KDELR3: variants seen among roughly 807,000 people sequenced by gnomAD.
KDELR3 encodes KDEL endoplasmic reticulum protein retention receptor 3, also known as ER lumen protein-retaining receptor 3.
KDELR3 carries 26 observed loss-of-function variants against 22.7 expected under a neutral mutation model. The observed-to-expected ratio is 1.15, with a 90% confidence interval of 0.84 to 1.59. KDELR3 has a LOEUF of 1.59. KDELR3 is among the 40% of genes most tolerant of loss of function. The pLI, the probability that KDELR3 is intolerant of heterozygous loss-of-function variation, is 0.00. For synonymous variants in KDELR3, 120 were observed against 98.2 expected, an observed-to-expected ratio of 1.22 and a Z score of -1.31; for missense variants, 289 against 251.1, an observed-to-expected ratio of 1.15 and a Z score of -1.02.
intron 1 of KDELR3, among the ~76,000 whole-genome samples, chr22:38,470,856 C>G (rs1400659583): frequency 6.6e-6 from 1 of 152,022 alleles, no homozygotes; most frequent in African/African-American, 2.4e-5. Flanking sequence ...CTCAAGATCA[C>G]CGGGGGGCTG....
intron 2 of KDELR3, among the ~76,000 whole-genome samples, chr22:38,478,514 G>A (rs1248056222): frequency 1.2e-4 from 12 of 102,428 alleles, no homozygotes; most frequent in Admixed American, 2.9e-4. Flanking sequence ...CAGCCTGGGC[G>A]ACAGAGCGAG....
intron 2 of KDELR3, among the ~76,000 whole-genome samples, chr22:38,476,821 GCC>G (rs796304280): frequency 1.4e-5 from 2 of 147,762 alleles, no homozygotes; most frequent in South Asian, 2.1e-4. Context: ...ACCACACCTG[GCC>G]CCCCCTTTTT....
chr22:38,469,740 C>T (rs1160926007), intron 1 of KDELR3, among the ~76,000 whole-genome samples: 1 of 152,246 alleles, frequency 6.6e-6, no homozygotes, highest in African/African-American at 2.4e-5. Context: ...TGGCCGCTGT[C>T]TGCCAGACAC....
chr22:38,481,168 T>TAA (rs1434094774), intron 3 of KDELR3, 44 bp from the exon 4 acceptor site: 1 of 1,535,924 alleles, frequency 6.5e-7, no homozygotes, highest in Admixed American at 2.0e-5. Flanking sequence ...GATGGGCCTC[T>TAA]TCTTGGTCTT....
At chr22:38,468,606 G>T (rs2089503046) in intron 1 of KDELR3, among the ~76,000 whole-genome samples, 1 of 152,144 alleles carries the variant, frequency 6.6e-6, no homozygotes, top group African/African-American at 2.4e-5. Context: ...TTATAAGGGA[G>T]GTGACAACCC....
chr22:38,476,086 T>A (rs1003708782), intron 2 of KDELR3, among the ~76,000 whole-genome samples: 1 of 150,540 alleles, frequency 6.6e-6, no homozygotes, highest in Non-Finnish European at 1.5e-5. Context: ...CGCACCACCA[T>A]GCCTGGCTAA....
chr22:38,474,771 G>C (rs1445984346), intron 2 of KDELR3, 148 bp downstream of exon 2: 3 of 652,062 alleles, frequency 4.6e-6, no homozygotes, highest in Non-Finnish European at 8.2e-6. Context: ...ACCTCATCTT[G>C]GGCCTCTTTG....
At chr22:38,478,185 G>A (rs1326563826) in intron 2 of KDELR3, among the ~76,000 whole-genome samples, 1 of 150,324 alleles carries the variant, frequency 6.7e-6, no homozygotes, top group African/African-American at 2.5e-5. Flanking sequence ...GTACAAATAG[G>A]AGTGCTCTAG....
At position 38,481,259 on chromosome 22, in the gene KDELR3, C is replaced by A; in HGVS notation, c.399C>A (p.Pro133=). 1 of 1,614,168 alleles carries A rather than the reference C, an allele frequency of 6.2e-7. No individual in the cohort carries two copies. Among genetic ancestry groups the A allele is most frequent in the Non-Finnish European group, 8.5e-7 (1 of 1,180,036 alleles). Residue 133 remains proline, a synonymous_variant, in exon 4 of 5, where the codon CCC becomes CCA. Transcript: ENST00000216014. ...ATCTGGAATCAGTGGCTATCCTGCC[C>A]CAGCTCTTCATGATCAGCAAGACTG... ...SIYLESVAIL[P]QLFMISKTGE...
chr22:38,469,147 G>C (rs1476621129), intron 1 of KDELR3, among the ~76,000 whole-genome samples: 2 of 152,212 alleles, frequency 1.3e-5, no homozygotes, highest in African/African-American at 4.8e-5. Context: ...GCTCCGTGCT[G>C]GTCCCGGAGG....
intron 4 of KDELR3, 133 bp from the exon 5 acceptor site, chr22:38,482,362 TC>T: frequency 1.4e-6 from 1 of 713,678 alleles, no homozygotes. Flanking sequence ...GGAGATGGAC[TC>T]CCCCTTTGCT....
chr22:38,471,470 C>G (rs1158685252), intron 1 of KDELR3, among the ~76,000 whole-genome samples: 1 of 152,232 alleles, frequency 6.6e-6, no homozygotes, highest in African/African-American at 2.4e-5. Context: ...CTCACCCCGG[C>G]TAGTGCACGT....
chr22:38,474,580 A>G lies in KDELR3; in HGVS notation c.149A>G (p.Asp50Gly). 1.2e-6 allele frequency: 2 copies of G among 1,613,956 alleles called. No homozygotes were observed. The highest frequency in any genetic ancestry group is 1.7e-6 in the Non-Finnish European group (2 of 1,179,962). ...CTCGTCTTCACCACCAGGTACCTGG[A>G]CCTGTTCACCAACTTCATCTCCATC... is the stretch of plus-strand genomic sequence containing the variant. ...FALVFTTRYL[D>G]LFTNFISIYN... The change falls in exon 2 of 5, where the codon GAC becomes GGC. Residue 50 changes from aspartate (D) to glycine (G), a missense_variant. Asp to Gly is a moderately conservative substitution (Grantham distance 94). Transcript: ENST00000216014.
intron 1 of KDELR3, among the ~76,000 whole-genome samples, chr22:38,471,240 G>C (rs1050246137): frequency 6.6e-6 from 1 of 152,330 alleles, no homozygotes; most frequent in African/African-American, 2.4e-5. Context: ...GCAGGCTGAG[G>C]ATGAAGAGAA....
chr22:38,477,793 TC>T (rs1258813111), intron 2 of KDELR3, among the ~76,000 whole-genome samples: 1 of 152,188 alleles, frequency 6.6e-6, no homozygotes, highest in East Asian at 1.9e-4. Context: ...GTATCAAACA[TC>T]ACCTGCTAGT....
intron 2 of KDELR3, among the ~76,000 whole-genome samples, chr22:38,476,515 G>A (rs564799571): frequency 6.6e-6 from 1 of 151,732 alleles, no homozygotes; most frequent in African/African-American, 2.4e-5. Flanking sequence ...ATTGCGCCCG[G>A]CCAGGAGTCT....
At chr22:38,481,671 C>G (rs1034649460) in intron 4 of KDELR3, 9 of 1,399,806 alleles carry the variant, frequency 6.4e-6, no homozygotes, top group African/African-American at 1.5e-5. Context: ...CTATGCAAGA[C>G]AGCTGTGAGA....
At chr22:38,480,336 G>T (rs1466310512) in intron 3 of KDELR3, among the ~76,000 whole-genome samples, 1 of 151,818 alleles carries the variant, frequency 6.6e-6, no homozygotes, top group Non-Finnish European at 1.5e-5. Flanking sequence ...TTGAGACGGG[G>T]TTTCACCATG....
chr22:38,479,512 G>T (rs776228039), intron 2 of KDELR3, 81 bp from the exon 3 acceptor site: 5 of 1,330,442 alleles, frequency 3.8e-6, no homozygotes, highest in Non-Finnish European at 5.3e-6. Flanking sequence ...CTGACCCTTA[G>T]GTTTGGTAGG....
Sources: allele counts gnomAD v4.1 joint callset (sites outside exome capture counted in the v4.1 genomes callset), GRCh38; gene constraint gnomAD v4.1.1; transcripts MANE v1.5; gene names NCBI Gene and HGNC (gene_info 2026-07-23, HGNC 2026-07-21).